ATP6V0E2: variants seen among roughly 807,000 people sequenced by gnomAD.
The protein encoded by ATP6V0E2 is ATPase H+ transporting V0 subunit e2.
In ATP6V0E2, 4 loss-of-function variants were observed where a neutral mutation model predicts 11.5. That is an observed-to-expected ratio of 0.35 (90% CI 0.17 to 0.80). The LOEUF (loss-of-function observed/expected upper bound fraction) is 0.80. ATP6V0E2 is among the 30% of genes least tolerant of loss of function. The pLI is 0.53. For missense variants in ATP6V0E2, 93 were observed against 113.5 expected (o/e 0.82, Z 0.82); for synonymous variants, 52 against 51.0 (o/e 1.02, Z -0.09).
rs2128950187 is a variant in ATP6V0E2 at position 149,879,943 on chromosome 7, C to T, written c.*628C>T. ...GGCCTCAGTCCTAGATGTTGGCACCCTTTGCTGTGTCTCCTCAGAGTATCC... is the reference window on the plus strand; with the variant it reads ...GGCCTCAGTCCTAGATGTTGGCACCTTTTGCTGTGTCTCCTCAGAGTATCC... On this transcript the variant is annotated 3_prime_UTR_variant, in exon 4 of 4. Transcript: ENST00000425642. 6.1e-6 allele frequency: 2 copies of T among 329,074 alleles called. No individual in the cohort carries two copies. The highest frequency in any genetic ancestry group is 1.2e-3 in the Middle Eastern group (2 of 1,630). 20.4% of individuals were successfully genotyped at this position (329,074 alleles called of 1,614,324 possible).
chr7:149,879,082 A>C (rs1033148695), intron 3 of ATP6V0E2: 2 of 1,369,210 alleles, frequency 1.5e-6, no homozygotes, highest in Non-Finnish European at 9.5e-7. Context: ...CTGAACATCA[A>C]CTCCCTTCCT....
Position 149,879,899 on chromosome 7 carries a change from T to G in ATP6V0E2, c.*584T>G. 5.1e-6 allele frequency: 2 copies of G among 392,576 alleles called. No individual in the cohort carries two copies. The highest frequency in any genetic ancestry group is 9.0e-6 in the Non-Finnish European group (2 of 223,262). The allele number at this position is 392,576 out of a possible 1,614,324, so 24.3% of individuals were successfully genotyped here. ...AAACATTCACACACAAAAAGCAACA[T>G]AGTCATGTGGGTCCAGATGGCCTCA... On this transcript the variant is annotated 3_prime_UTR_variant, in exon 4 of 4. Coordinates refer to ENST00000425642, the MANE Select transcript of ATP6V0E2 (RefSeq NM_145230.4).
At chr7:149,876,622 C>T (rs993249431) in intron 2 of ATP6V0E2, among the ~76,000 whole-genome samples, 8 of 152,182 alleles carry the variant, frequency 5.3e-5, no homozygotes, top group African/African-American at 1.2e-4. Context: ...CCCAAACCTG[C>T]GGTTACATTG....
At chr7:149,873,888 T>G (rs1802965441), upstream of ATP6V0E2, 2 of 1,493,188 alleles carry the variant, frequency 1.3e-6, no homozygotes. Flanking sequence ...AGGCAGGTCC[T>G]GAGTGACAGC....
At chr7:149,873,828 C>T (rs770189061), upstream of ATP6V0E2, 3 of 1,434,024 alleles carry the variant, frequency 2.1e-6, no homozygotes, top group East Asian at 2.5e-5. Flanking sequence ...TATTCCTCGG[C>T]ATTTCTCTCT....
upstream of ATP6V0E2, chr7:149,873,596 GGGCCGTCAGGTTC>G (rs1404772474): frequency 1.1e-4 from 29 of 260,594 alleles, no homozygotes; most frequent in Non-Finnish European, 1.4e-5. Context: ...GACCCCCGCG[GGGCCGTCAGGTTC>G]GGGGCGGCCC....
rs144634757 is a variant in ATP6V0E2 at position 149,879,975 on chromosome 7, G to T, written c.*660G>T. ...GTGTCTCCTCAGAGTATCCTGTTCC[G>T]CCTCCTGCCACCTGGACCTCCCTCA... On this transcript the variant is annotated 3_prime_UTR_variant, in exon 4 of 4. Transcript: ENST00000425642. The T allele has an allele frequency of 5.6e-4, 145 of 260,058 alleles. No homozygotes were observed. Among genetic ancestry groups the T allele is most frequent in the Middle Eastern group, 4.0e-3 (4 of 1,000 alleles). 16.1% of individuals were successfully genotyped at this position (260,058 alleles called of 1,614,324 possible).
At chr7:149,879,161 C>T in intron 3 of ATP6V0E2, 174 bp from the exon 4 acceptor site, 1 of 1,400,806 alleles carries the variant, frequency 7.1e-7, no homozygotes, top group Non-Finnish European at 9.2e-7. Context: ...CCCCCATCCT[C>T]ACAGCGCTTC....
rs1803333901 is a variant in ATP6V0E2, at chr7:149,879,455, C to T, written c.*140C>T. The T allele has an allele frequency of 1.3e-6, 2 of 1,596,128 alleles. No homozygotes were observed. Among genetic ancestry groups the T allele is most frequent in the South Asian group, 1.1e-5 (1 of 87,916 alleles). On this transcript the variant is annotated 3_prime_UTR_variant, in exon 4 of 4. Coordinates refer to ENST00000425642, the MANE Select transcript of ATP6V0E2 (RefSeq NM_145230.4). ...TCCTGCTGGCACCCAGAGACCCGGA[C>T]CCGCAGGGCCTGCCTGGTTCCTGGA...
In ATP6V0E2 at chr7:149,879,482, G is replaced by A. The variant is rs1252065856; in HGVS notation, c.*167G>A. 1.3e-6 allele frequency: 2 copies of A among 1,590,784 alleles called. No homozygotes were observed. The highest frequency in any genetic ancestry group is 1.7e-6 in the Non-Finnish European group (2 of 1,169,088). On this transcript the variant is annotated 3_prime_UTR_variant, in exon 4 of 4. Coordinates refer to ENST00000425642, the MANE Select transcript of ATP6V0E2 (RefSeq NM_145230.4). The stretch of plus-strand genomic sequence containing the variant: ...CGCAGGGCCTGCCTGGTTCCTGGAA[G>A]TCTTCCCAGTCTTCCCAGCCAGCCC...
upstream of ATP6V0E2, chr7:149,872,979 T>A (rs1802916932): frequency 6.6e-6 from 1 of 152,174 alleles, no homozygotes; most frequent in African/African-American, 2.4e-5. Flanking sequence ...TTGCTAGAGA[T>A]ACCGCCTGGA....
At chr7:149,878,432 C>T (rs1803266447) in intron 2 of ATP6V0E2, among the ~76,000 whole-genome samples, 1 of 152,254 alleles carries the variant, frequency 6.6e-6, no homozygotes, top group Middle Eastern at 3.4e-3. Flanking sequence ...CCAGGTTCAG[C>T]CCCAACTCGG....
chr7:149,879,489 C>T lies in ATP6V0E2; in HGVS notation c.*174C>T, dbSNP rs749996888. 1.3e-6 allele frequency: 2 copies of T among 1,592,860 alleles called. No individual in the cohort carries two copies. The highest frequency in any genetic ancestry group is 8.5e-7 in the Non-Finnish European group (1 of 1,170,084). On this transcript the variant is annotated 3_prime_UTR_variant, in exon 4 of 4. Coordinates refer to ENST00000425642, the MANE Select transcript of ATP6V0E2 (RefSeq NM_145230.4). The stretch of plus-strand genomic sequence containing the variant: ...CCTGCCTGGTTCCTGGAAGTCTTCC[C>T]AGTCTTCCCAGCCAGCCCGGGCCCT...
chr7:149,873,827 G>T (rs962871143), upstream of ATP6V0E2: 8 of 1,433,788 alleles, frequency 5.6e-6, no homozygotes, highest in Admixed American at 2.7e-5. Context: ...CTATTCCTCG[G>T]CATTTCTCTC....
chr7:149,879,032 G>A, intron 3 of ATP6V0E2: 1 of 1,322,406 alleles, frequency 7.6e-7, no homozygotes, highest in Non-Finnish European at 1.0e-6. Flanking sequence ...TGGGATTCAG[G>A]CATCTATTTA....
intron 1 of ATP6V0E2, chr7:149,874,558 G>GC: frequency 5.0e-6 from 1 of 199,030 alleles, no homozygotes; most frequent in Non-Finnish European, 1.0e-5. Flanking sequence ...GCCTTAAAAG[G>GC]CTGCTGTGAG....
In ATP6V0E2 at chr7:149,879,706, G is replaced by C; in HGVS notation, c.*391G>C. ...GGACACGTGTCCTCATGGAGAGGGT[G>C]CTCCGGCCCAGGCGGGGGAGTCAGT... On this transcript the variant is annotated 3_prime_UTR_variant, in exon 4 of 4. Coordinates refer to ENST00000425642, the MANE Select transcript of ATP6V0E2 (RefSeq NM_145230.4). 1.5e-6 allele frequency: 2 copies of C among 1,369,242 alleles called. No individual in the cohort carries two copies. The highest frequency in any genetic ancestry group is 1.9e-6 in the Non-Finnish European group (2 of 1,053,186). The allele number at this position is 1,369,242 out of a possible 1,614,324, so 84.8% of individuals were successfully genotyped here.
Position 149,879,755 on chromosome 7 carries a change from A to C in ATP6V0E2, c.*440A>C. 8.8e-7 allele frequency: 1 copy of C among 1,133,072 alleles called. No homozygotes were observed. The highest frequency in any genetic ancestry group is 1.2e-6 in the Non-Finnish European group (1 of 867,766). 70.2% of individuals were successfully genotyped at this position (1,133,072 alleles called of 1,614,324 possible). A position where few individuals can be genotyped will look rare whatever the true frequency, so the allele number is the denominator to read the frequency against. ...GTGCCCAGTCAGCAGCTCTGCCACC[A>C]TCCTGCTGGGAACTGGGGGGGCCTC... is the stretch of plus-strand genomic sequence containing the variant. On this transcript the variant is annotated 3_prime_UTR_variant, in exon 4 of 4. Coordinates refer to ENST00000425642, the MANE Select transcript of ATP6V0E2 (RefSeq NM_145230.4).
intron 3 of ATP6V0E2, 52 bp downstream of exon 3, chr7:149,878,842 TCCCACACCCA>T (rs1273831207): frequency 0.27 from 257,891 of 965,442 alleles, 84,667 homozygotes; most frequent in African/African-American, 0.64. Context: ...GACAAGGCTT[TCCCACACCCA>T]GGGCAGGCCT....
Sources: gnomAD v4.1 joint callset for allele counts (sites outside exome capture counted in the v4.1 genomes callset) on GRCh38, gnomAD v4.1.1 for gene constraint, MANE v1.5 for transcripts, NCBI Gene and HGNC (gene_info 2026-07-23, HGNC 2026-07-21) for gene names.